Variants in PLA2G2C observed in about 807,000 individuals in gnomAD.
PLA2G2C encodes putative inactive group IIC secretory phospholipase A2.
PLA2G2C carries 15 observed loss-of-function variants against 14.3 expected under a neutral mutation model. The ratio of observed to expected loss-of-function variants is 1.05; its 90% CI spans 0.70 to 1.62. The LOEUF is 1.62. Among genes scored for constraint, PLA2G2C ranks in the 40% most tolerant of loss-of-function variants. The pLI is 0.00. For missense variants in PLA2G2C, 162 were observed against 173.2 expected (o/e 0.94, Z 0.36); for synonymous variants, 79 against 67.7 (o/e 1.17, Z -0.82).
At chr1:20,179,393 TC>T (rs1391459199) in intron 1 of PLA2G2C, among the ~76,000 whole-genome samples, 1 of 152,074 alleles carries the variant, frequency 6.6e-6, no homozygotes, top group Non-Finnish European at 1.5e-5. Flanking sequence ...TGTGTCAACT[TC>T]TCCCTTGTGT....
rs999162687 is a variant in PLA2G2C, at chr1:20,171,215, G to A, written c.283+1579C>T. 1.3e-4 allele frequency among the ~76,000 whole-genome samples: 19 copies of A among 151,398 alleles called. 1 individual carries two copies. The highest frequency in any genetic ancestry group is 4.6e-4 in the African/African-American group (19 of 41,104). ...CTCCCCATCCCTCCCACCAGGCCCT[G>A]ATCCCTTCCCCTCTCCTGAACATGG... On this transcript the variant is annotated intron_variant, in intron 4 of 4. Coordinates refer to ENST00000679259, the MANE Select transcript of PLA2G2C (RefSeq NM_001367969.2).
chr1:20,163,976 G>C lies in PLA2G2C; in HGVS notation c.*15C>G. 1 of 1,608,434 alleles carries C rather than the reference G, an allele frequency of 6.2e-7. No individual in the cohort carries two copies. On this transcript the variant is annotated 3_prime_UTR_variant, in exon 5 of 5. Coordinates refer to ENST00000679259, the MANE Select transcript of PLA2G2C (RefSeq NM_001367969.2). ...AGAGCGGATGCTGGATGATGAGAGG[G>C]ACCCTGTGGTGTCCCTAGCACCAGG...
At chr1:20,171,402 C>G (rs914852438) in intron 4 of PLA2G2C, among the ~76,000 whole-genome samples, 2 of 152,168 alleles carry the variant, frequency 1.3e-5, no homozygotes, top group African/African-American at 4.8e-5. Context: ...AGGCCAAGAG[C>G]TGAGGCAGGT....
intron 4 of PLA2G2C, among the ~76,000 whole-genome samples, chr1:20,168,323 G>A (rs2018011004): frequency 6.6e-6 from 1 of 152,202 alleles, no homozygotes; most frequent in Admixed American, 6.5e-5. Context: ...CATGTGTCTG[G>A]TCTTTGGCTA....
At chr1:20,174,915 C>T in intron 3 of PLA2G2C, 92 bp downstream of exon 3, 6 of 1,274,314 alleles carry the variant, frequency 4.7e-6, no homozygotes, top group Non-Finnish European at 6.4e-6. Flanking sequence ...CTGTTATTTG[C>T]CAGGCAAGAA....
intron 1 of PLA2G2C, chr1:20,186,159 A>C (rs7530964): frequency 1 from 152,628 of 152,628 alleles, 76,314 homozygotes; most frequent in Non-Finnish European, 1. Flanking sequence ...GCTAGGTGAG[A>C]GCGGCTGCCC....
chr1:20,179,488 CT>C (rs1430600041), intron 1 of PLA2G2C, among the ~76,000 whole-genome samples: 2 of 147,650 alleles, frequency 1.4e-5, no homozygotes, highest in African/African-American at 5.2e-5. Context: ...CAGCTTCTCC[CT>C]TTTGTGTCAG....
rs566304476 is a variant in PLA2G2C, at chr1:20,166,374, C to T, written c.284-2217G>A. On this transcript the variant is annotated intron_variant, in intron 4 of 4. Coordinates refer to ENST00000679259, the MANE Select transcript of PLA2G2C (RefSeq NM_001367969.2). Reference sequence around the variant, plus strand: ...TCTGGCTCTCCGGTTTTGCGGCTCCCGCCACTCCCACTGTTCTAGCGCCTG... The same window carrying T: ...TCTGGCTCTCCGGTTTTGCGGCTCCTGCCACTCCCACTGTTCTAGCGCCTG... Among the ~76,000 whole-genome samples the T allele has an allele frequency of 1.6e-4, 24 of 152,312 alleles. 1 individual carries two copies. The highest frequency in any genetic ancestry group is 5.1e-4 in the African/African-American group (21 of 41,582).
At chr1:20,168,566 G>A (rs761751661) in intron 4 of PLA2G2C, among the ~76,000 whole-genome samples, 10 of 152,250 alleles carry the variant, frequency 6.6e-5, no homozygotes, top group African/African-American at 2.2e-4. Flanking sequence ...GCGTGTCAGC[G>A]AGTGGAGGCT....
chr1:20,180,647 A>C (rs761473000), intron 1 of PLA2G2C, among the ~76,000 whole-genome samples: 1 of 152,162 alleles, frequency 6.6e-6, no homozygotes, highest in Admixed American at 6.5e-5. Flanking sequence ...GGGCATTTTC[A>C]TGCACTGACC....
In PLA2G2C at chr1:20,163,368, C is replaced by T. The variant is rs1185213789; in HGVS notation, c.*623G>A. On this transcript the variant is annotated 3_prime_UTR_variant, in exon 5 of 5. Transcript: ENST00000679259. ...AACTGGTAAACCATCCCTCCCACAA[C>T]ATTCTATTGACCAAACTAAGCCACA... 6.6e-6 allele frequency: 1 copy of T among 152,346 alleles called. No homozygotes were observed. Among genetic ancestry groups the T allele is most frequent in the Non-Finnish European group, 1.5e-5 (1 of 68,136 alleles). 9.4% of individuals were successfully genotyped at this position (152,346 alleles called of 1,614,324 possible). A position where few individuals can be genotyped will look rare whatever the true frequency, so the allele number is the denominator to read the frequency against.
intron 3 of PLA2G2C, among the ~76,000 whole-genome samples, 179 bp from the exon 4 acceptor site, chr1:20,173,076 A>C (rs2018116980): frequency 6.6e-6 from 1 of 151,944 alleles, no homozygotes; most frequent in African/African-American, 2.4e-5. Context: ...TGTGAGGATA[A>C]GGCAGGAGGA....
At position 20,173,308 on chromosome 1, in the gene PLA2G2C, C is replaced by T. The variant is rs542196463; in HGVS notation, c.180-411G>A. ...CCCAGCCTGGATAATAGAGCAAGACCCCGTCTCCCAAAAAATAAATAAAAT... is the reference window on the plus strand; with the variant it reads ...CCCAGCCTGGATAATAGAGCAAGACTCCGTCTCCCAAAAAATAAATAAAAT... On this transcript the variant is annotated intron_variant, in intron 3 of 4. Transcript: ENST00000679259. Among the ~76,000 whole-genome samples, 3 of 152,004 alleles carry T rather than the reference C, an allele frequency of 2.0e-5. No individual in the cohort carries two copies. The East Asian group carries it at 5.8e-4, about 29-fold the overall frequency.
intron 4 of PLA2G2C, among the ~76,000 whole-genome samples, chr1:20,172,535 A>G (rs2100717667): frequency 6.6e-6 from 1 of 152,294 alleles, no homozygotes; most frequent in East Asian, 1.9e-4. Context: ...GTGAACAAGT[A>G]TTTACTGAGC....
intron 4 of PLA2G2C, among the ~76,000 whole-genome samples, chr1:20,165,838 T>G (rs1254433779): frequency 6.6e-6 from 1 of 152,196 alleles, no homozygotes; most frequent in African/African-American, 2.4e-5. Context: ...CGCGCGCATG[T>G]GTGTTTAGGG....
rs6656531 is a variant in PLA2G2C, at chr1:20,163,734, T to C, written c.*257A>G. 49 of 474,340 alleles carry C rather than the reference T, an allele frequency of 1.0e-4. No homozygotes were observed. Among genetic ancestry groups the C allele is most frequent in the Non-Finnish European group, 1.6e-4 (42 of 265,984 alleles). 29.4% of individuals were successfully genotyped at this position (474,340 alleles called of 1,614,324 possible). On this transcript the variant is annotated 3_prime_UTR_variant, in exon 5 of 5. Coordinates refer to ENST00000679259, the MANE Select transcript of PLA2G2C (RefSeq NM_001367969.2). ...TACTTCTATATCCATGCATTTGTAGTCCTCCCCACTCCACAGAATGCCAGC... is the reference window on the plus strand; with the variant it reads ...TACTTCTATATCCATGCATTTGTAGCCCTCCCCACTCCACAGAATGCCAGC...
intron 1 of PLA2G2C, among the ~76,000 whole-genome samples, chr1:20,178,543 A>G (rs2100723308): frequency 6.6e-6 from 1 of 152,340 alleles, no homozygotes; most frequent in East Asian, 1.9e-4. Context: ...GCCTGGTCCC[A>G]GCCAACCTTC....
chr1:20,184,971 T>C (rs1221656759), intron 1 of PLA2G2C, among the ~76,000 whole-genome samples: 1 of 151,990 alleles, frequency 6.6e-6, no homozygotes, highest in Non-Finnish European at 1.5e-5. Context: ...CTCAGCAACA[T>C]GGCAGAACCC....
Position 20,171,863 on chromosome 1 carries a change from G to A in PLA2G2C, c.283+931C>T, listed in dbSNP as rs541295929. ...TGCAAGCTCCGCCTCCCGGGTTCACGCCATTCTCCTGCCTCAGCCTCCCGA... is the reference window on the plus strand; with the variant it reads ...TGCAAGCTCCGCCTCCCGGGTTCACACCATTCTCCTGCCTCAGCCTCCCGA... On this transcript the variant is annotated intron_variant, in intron 4 of 4. Transcript: ENST00000679259. Among the ~76,000 whole-genome samples the A allele has an allele frequency of 3.4e-3, 503 of 146,724 alleles. 3 individuals are homozygous for A. The highest frequency in any genetic ancestry group is 9.2e-3 in the African/African-American group (367 of 39,786).
Sources: gnomAD v4.1 joint callset for allele counts (sites outside exome capture counted in the v4.1 genomes callset) on GRCh38, gnomAD v4.1.1 for gene constraint, MANE v1.5 for transcripts, NCBI Gene and HGNC (gene_info 2026-07-23, HGNC 2026-07-21) for gene names.